The following ACTR3C variants were observed in gnomAD, a reference collection of about 807,000 sequenced individuals.
ACTR3C encodes actin related protein 3C.
ACTR3C carries 18 observed loss-of-function variants against 26.3 expected under a neutral mutation model. The observed-to-expected ratio is 0.68, with a 90% CI of 0.47 to 1.01. The LOEUF (loss-of-function observed/expected upper bound fraction) is 1.01, where lower values mean the gene tolerates loss of function less well. ACTR3C is among the 50% of genes least tolerant of loss of function. ACTR3C has a pLI of 0.00. For missense variants in ACTR3C, 184 were observed against 250.7 expected (o/e 0.73, Z 1.80); for synonymous variants, 55 against 94.5 (o/e 0.58, Z 2.42).
the ACTR3C span, among the ~76,000 whole-genome samples, chr7:149,988,424 A>T: frequency 2.6e-5 from 4 of 152,106 alleles, no homozygotes. Flanking sequence ...ATAAAGTCAC[A>T]TTTCTCCCCT....
At chr7:150,123,110 G>C in the ACTR3C span, among the ~76,000 whole-genome samples, 32 of 151,770 alleles carry the variant, frequency 2.1e-4, no homozygotes, top group African/African-American at 7.8e-4. Flanking sequence ...GGGAGGGATA[G>C]CATTAGGAGA....
the ACTR3C span, among the ~76,000 whole-genome samples, chr7:149,917,611 A>G: frequency 6.9e-6 from 1 of 144,674 alleles, no homozygotes; most frequent in Non-Finnish European, 1.5e-5. Flanking sequence ...TAGAAATGTT[A>G]CATCTTAAAA....
chr7:150,191,782 T>C, the ACTR3C span, among the ~76,000 whole-genome samples: 1 of 152,226 alleles, frequency 6.6e-6, no homozygotes, highest in Non-Finnish European at 1.5e-5. Flanking sequence ...CTAGGACTTC[T>C]AGTATGATGC....
At chr7:150,127,368 C>G in the ACTR3C span, among the ~76,000 whole-genome samples, 6,234 of 152,204 alleles carry the variant, frequency 0.041, 418 homozygotes, top group African/African-American at 0.14. Flanking sequence ...GTCTTGCCCA[C>G]AGGACCTCCA....
chr7:149,889,397 T>C, the ACTR3C span, among the ~76,000 whole-genome samples: 2 of 152,220 alleles, frequency 1.3e-5, no homozygotes, highest in African/African-American at 4.8e-5. Flanking sequence ...TACATATTTA[T>C]GAAAGATTGG....
chr7:150,009,082 G>C, the ACTR3C span, among the ~76,000 whole-genome samples: 1 of 152,246 alleles, frequency 6.6e-6, no homozygotes, highest in Non-Finnish European at 1.5e-5. Context: ...TGGGCCAGAA[G>C]TGGGGATGTT....
the ACTR3C span, among the ~76,000 whole-genome samples, chr7:150,114,640 A>G: frequency 3.9e-5 from 6 of 152,206 alleles, no homozygotes; most frequent in Non-Finnish European, 8.8e-5. Flanking sequence ...TCTGTTTCCA[A>G]TGGGCACTGG....
intron 6 of ACTR3C, among the ~76,000 whole-genome samples, chr7:150,263,548 A>G (rs1173772759): frequency 2.0e-5 from 3 of 151,808 alleles, no homozygotes; most frequent in South Asian, 2.1e-4. Context: ...ACAACACAGG[A>G]TGTGGAAAAG....
At chr7:150,040,991 G>T in the ACTR3C span, among the ~76,000 whole-genome samples, 2 of 150,518 alleles carry the variant, frequency 1.3e-5, no homozygotes, top group Non-Finnish European at 2.9e-5. Context: ...TAGCAACCCT[G>T]TCTAGTTGTT....
the ACTR3C span, among the ~76,000 whole-genome samples, chr7:150,227,688 G>GTGTTTTTTTTTTTTTTTTTTTTT: frequency 3.0e-4 from 33 of 111,366 alleles, 1 homozygote; most frequent in East Asian, 1.3e-3. Context: ...TTGTGTCTGG[G>GTGTTTTTTTTTTTTTTTTTTTTT]TTTTTTTTTT....
chr7:150,054,875 C>T, the ACTR3C span, among the ~76,000 whole-genome samples: 5 of 152,228 alleles, frequency 3.3e-5, no homozygotes, highest in Non-Finnish European at 4.4e-5. Context: ...AACTTGCTTT[C>T]ATGCAGATGA....
chr7:150,125,423 TAG>T, the ACTR3C span, among the ~76,000 whole-genome samples: 1 of 144,518 alleles, frequency 6.9e-6, no homozygotes, highest in East Asian at 2.0e-4. Flanking sequence ...ATTTCTCTAA[TAG>T]AGAGTCTAGA....
At chr7:150,212,616 C>T in the ACTR3C span, among the ~76,000 whole-genome samples, 3 of 151,428 alleles carry the variant, frequency 2.0e-5, no homozygotes, top group South Asian at 6.2e-4. Context: ...CCAGAAATTA[C>T]CAATTAGACA....
At chr7:149,923,958 C>T in the ACTR3C span, among the ~76,000 whole-genome samples, 1 of 151,504 alleles carries the variant, frequency 6.6e-6, no homozygotes, top group Non-Finnish European at 1.5e-5. Flanking sequence ...CATCACGCCA[C>T]TGCACTCCAG....
the ACTR3C span, among the ~76,000 whole-genome samples, chr7:149,986,313 A>G: frequency 6.6e-6 from 1 of 151,970 alleles, no homozygotes; most frequent in African/African-American, 2.4e-5. Context: ...CTTCTGCTCT[A>G]CTGTTTGTAC....
At chr7:150,193,373 G>A in the ACTR3C span, among the ~76,000 whole-genome samples, 6 of 147,116 alleles carry the variant, frequency 4.1e-5, no homozygotes, top group Non-Finnish European at 3.0e-5. Flanking sequence ...ACCAGTTTTC[G>A]GTTTAATTGA....
the ACTR3C span, among the ~76,000 whole-genome samples, chr7:150,036,079 G>GC: frequency 3.9e-5 from 2 of 50,986 alleles, no homozygotes; most frequent in African/African-American, 1.6e-4. Flanking sequence ...CGCGAGGGGT[G>GC]CTCCCCCCCC....
the ACTR3C span, among the ~76,000 whole-genome samples, chr7:149,988,586 C>T: frequency 0.86 from 130,198 of 151,896 alleles, 55,900 homozygotes; most frequent in East Asian, 1. Flanking sequence ...CAGAGATGAC[C>T]GTTGGGCCAC....
chr7:150,074,003 A>T, the ACTR3C span: 1 of 152,304 alleles, frequency 6.6e-6, no homozygotes, highest in Non-Finnish European at 1.5e-5. Context: ...TGAAGAAGTC[A>T]CGTCCAGGGA....
Sources: gnomAD v4.1 joint callset for allele counts (sites outside exome capture counted in the v4.1 genomes callset) on GRCh38, gnomAD v4.1.1 for gene constraint, MANE v1.5 for transcripts, NCBI Gene and HGNC (gene_info 2026-07-23, HGNC 2026-07-21) for gene names.